Variants in VNN2 observed in about 807,000 individuals in gnomAD.
VNN2 encodes the protein pantetheine hydrolase VNN2.
A neutral mutation model predicts 43.0 loss-of-function variants in VNN2; 43 were observed. That is an observed-to-expected ratio of 1.00 (90% CI 0.78 to 1.29). The LOEUF is 1.29. VNN2 is among the 50% of genes most tolerant of loss of function. The pLI, the probability that VNN2 is intolerant of heterozygous loss-of-function variation, is 0.00. For synonymous variants in VNN2, 230 were observed against 224.3 expected (o/e 1.03, Z -0.23); for missense variants, 652 against 619.7 (o/e 1.05, Z -0.55).
chr6:132,744,456 T>A lies in VNN2; in HGVS notation c.1407A>T (p.Gly469=). The change falls in exon 7 of 7, where the codon GGA becomes GGT. Residue 469 remains glycine (G), a synonymous_variant. Transcript: ENST00000326499. ...ACACTGTTAGTATAGGCCCAGATGA[T>A]CCATTCTTGTTTACCAAACGCCCAT... ...LKDGRLVNKN[G]SSGPILTVSL... is the part of the protein sequence containing the mutation. 6.3e-7 allele frequency: 1 copy of A among 1,595,836 alleles called. No homozygotes were observed. The highest frequency in any genetic ancestry group is 8.5e-7 in the Non-Finnish European group (1 of 1,173,804).
intron 6 of VNN2, among the ~76,000 whole-genome samples, chr6:132,746,217 C>A (rs575101429): frequency 7.9e-5 from 12 of 152,292 alleles, no homozygotes; most frequent in African/African-American, 2.9e-4. Flanking sequence ...AAGATGTTTC[C>A]ACATTTGTGG....
intron 6 of VNN2, among the ~76,000 whole-genome samples, chr6:132,748,169 A>G (rs567728973): frequency 2.7e-4 from 41 of 152,264 alleles, no homozygotes; most frequent in African/African-American, 9.9e-4. Flanking sequence ...TCTCTCTCTC[A>G]CTTCCTTGAA....
upstream of VNN2, among the ~76,000 whole-genome samples, chr6:132,762,544 G>C (rs1253563981): frequency 6.6e-6 from 1 of 152,194 alleles, no homozygotes; most frequent in Non-Finnish European, 1.5e-5. Flanking sequence ...TATGGCTTTA[G>C]TGAGACTGAG....
rs749886046 is a variant in VNN2 at position 132,751,403 on chromosome 6, G to A, written c.942C>T (p.Tyr314=). The A allele has an allele frequency of 7.4e-6, 12 of 1,614,066 alleles. No individual in the cohort carries two copies. The highest frequency in any genetic ancestry group is 1.1e-5 in the South Asian group (1 of 91,094). The change falls in exon 5 of 7, where the codon TAC becomes TAT. Residue 314 remains tyrosine, a synonymous_variant. Coordinates refer to ENST00000326499, the MANE Select transcript of VNN2 (RefSeq NM_004665.6). Reference sequence around the variant, plus strand: ...AGGCATTCCAATTAACAGCTGTTGGGTAGGCAAGCGAGGATAGGGGATGTG... The same window carrying A: ...AGGCATTCCAATTAACAGCTGTTGGATAGGCAAGCGAGGATAGGGGATGTG... ...VDSHPLSSLA[Y]PTAVNWNAYA...
At chr6:132,761,690 A>G (rs1780743253), upstream of VNN2, among the ~76,000 whole-genome samples, 1 of 152,126 alleles carries the variant, frequency 6.6e-6, no homozygotes, top group African/African-American at 2.4e-5. Context: ...TAAACGAAAA[A>G]CAGTAATAGC....
chr6:132,756,115 A>ACCACTTAAGTT, intron 2 of VNN2, 80 bp from the exon 3 acceptor site: 10 of 1,320,138 alleles, frequency 7.6e-6, no homozygotes, highest in Non-Finnish European at 1.0e-5. Flanking sequence ...AGCAACTGTA[A>ACCACTTAAGTT]CCACTTAAGT....
At chr6:132,747,465 A>G (rs1779787480) in intron 6 of VNN2, among the ~76,000 whole-genome samples, 1 of 151,986 alleles carries the variant, frequency 6.6e-6, no homozygotes, top group African/African-American at 2.4e-5. Flanking sequence ...AAAAATACAA[A>G]AAGTAGCTGG....
At chr6:132,751,586 C>A in intron 4 of VNN2, 68 bp from the exon 5 acceptor site, 6 of 1,532,424 alleles carry the variant, frequency 3.9e-6, no homozygotes, top group Non-Finnish European at 5.2e-6. Flanking sequence ...GCCAATTTCC[C>A]CATCAGAATT....
Position 132,744,439 on chromosome 6 carries a change from A to G in VNN2, c.1424T>C (p.Leu475Pro), listed in dbSNP as rs752141384. 1.9e-6 allele frequency: 3 copies of G among 1,612,090 alleles called. No individual in the cohort carries two copies. The highest frequency in any genetic ancestry group is 3.4e-5 in the Admixed American group (2 of 59,522). The change falls in exon 7 of 7, where the codon CTA becomes CCA. Residue 475 changes from leucine to proline, a missense_variant. Leu to Pro is a moderately conservative substitution (Grantham distance 98). Transcript: ENST00000326499. ...CCACCTCCCAAAGAGTGACACTGTT[A>G]GTATAGGCCCAGATGATCCATTCTT... The part of the protein sequence containing the change: ...VNKNGSSGPI[L>P]TVSLFGRWYT...
Position 132,757,545 on chromosome 6 carries a change from C to T in VNN2, c.215G>A (p.Gly72Asp). Residue 72 changes from glycine (G) to aspartate (D), a missense_variant and splice_region_variant, in exon 2 of 7, where the codon GGT (glycine) becomes GAT (aspartate). By Grantham distance (94) the Gly-to-Asp change is moderately conservative. Coordinates refer to ENST00000326499, the MANE Select transcript of VNN2 (RefSeq NM_004665.6). The part of the protein sequence containing the change: ...ETAIKQAAEQ[G>D]ARIIVTPEDA... ...TTCTGGAGTCACAATGATTCGAGCACCCTGTTCAAAACAAGCAAAATAAAA... is the reference window on the plus strand; with the variant it reads ...TTCTGGAGTCACAATGATTCGAGCATCCTGTTCAAAACAAGCAAAATAAAA... 1 of 1,613,094 alleles carries T rather than the reference C, an allele frequency of 6.2e-7. No individual in the cohort carries two copies. Among genetic ancestry groups the T allele is most frequent in the Non-Finnish European group, 8.5e-7 (1 of 1,179,704 alleles).
intron 3 of VNN2, among the ~76,000 whole-genome samples, chr6:132,754,998 AC>A (rs1780366276): frequency 6.6e-6 from 1 of 152,012 alleles, no homozygotes; most frequent in African/African-American, 2.4e-5. Context: ...ATGTAGTGAG[AC>A]TCTGTTTCCA....
chr6:132,751,654 T>C (rs753034861), intron 4 of VNN2, 136 bp from the exon 5 acceptor site: 6 of 991,966 alleles, frequency 6.0e-6, no homozygotes, highest in Non-Finnish European at 8.7e-6. Context: ...TGCTTCTAAT[T>C]GCACTGAACA....
chr6:132,758,224 T>C (rs138193659), upstream of VNN2, among the ~76,000 whole-genome samples: 631 of 152,002 alleles, frequency 4.2e-3, 3 homozygotes, highest in South Asian at 8.9e-3. Flanking sequence ...TTTGTATTTT[T>C]AGTAGAGATG....
upstream of VNN2, among the ~76,000 whole-genome samples, chr6:132,758,206 A>G (rs1489642244): frequency 1.3e-5 from 2 of 151,782 alleles, no homozygotes; most frequent in Non-Finnish European, 2.9e-5. Context: ...CACCACGTCC[A>G]GCTAATTTTT....
In VNN2 at chr6:132,744,357, G is replaced by T. The variant is rs1322482781; in HGVS notation, c.1506C>A (p.Tyr502Ter). ...SCGTSNSAIT[Y>*]LLIFILLMII... ...TCATTAATAATATGAATATTAGCAG[G>T]TAAGTTATTGCTGAATTGCTGGTCC... The change falls in exon 7 of 7, where the codon TAC becomes TAA. Residue 502 changes from tyrosine (Y) to a stop codon, truncating the protein, a stop_gained. Transcript: ENST00000326499. LOFTEE classifies it low-confidence loss of function (END_TRUNC). 3 of 1,612,676 alleles carry T rather than the reference G, an allele frequency of 1.9e-6. No individual in the cohort carries two copies. In the African/African-American group the frequency reaches 4.0e-5, roughly 22 times the overall value.
At position 132,744,113 on chromosome 6, in the gene VNN2, G is replaced by A; in HGVS notation, c.*187C>T. 2.0e-6 allele frequency: 1 copy of A among 489,690 alleles called. No homozygotes were observed. Among genetic ancestry groups the A allele is most frequent in the Non-Finnish European group, 3.4e-6 (1 of 293,278 alleles). 30.3% of individuals were successfully genotyped at this position (489,690 alleles called of 1,614,324 possible). On this transcript the variant is annotated 3_prime_UTR_variant, in exon 7 of 7. Transcript: ENST00000326499. ...CATTGTTCCACACTGCAACATTTCAGAGTAGCCAAAAAAATGGACAACATT... is the reference window on the plus strand; with the variant it reads ...CATTGTTCCACACTGCAACATTTCAAAGTAGCCAAAAAAATGGACAACATT...
chr6:132,753,007 C>G (rs1780224416), intron 3 of VNN2: 5 of 395,260 alleles, frequency 1.3e-5, no homozygotes, highest in Non-Finnish European at 2.3e-5. Flanking sequence ...CCAAATACCC[C>G]CCCATAAACC....
chr6:132,749,652 G>A, intron 6 of VNN2, 43 bp downstream of exon 6: 1 of 1,554,982 alleles, frequency 6.4e-7, no homozygotes, highest in East Asian at 2.3e-5. Context: ...CTTGACTTCA[G>A]AGAACATATA....
At position 132,750,661 on chromosome 6, in the gene VNN2, CA is replaced by C. The variant is rs746788690; in HGVS notation, c.1200+483del. On this transcript the variant is annotated intron_variant, in intron 5 of 6. Transcript: ENST00000326499. ...CCAGGGTGACAGAGTGAAATTGTCT[CA>C]AAAAAAAAAAAAAGAAAAAGAAAAG... is the stretch of plus-strand genomic sequence containing the variant. 8.6e-3 allele frequency among the ~76,000 whole-genome samples: 658 copies of C among 76,416 alleles called. 2 individuals are homozygous for C. Among genetic ancestry groups the C allele is most frequent in the Non-Finnish European group, 0.013 (465 of 36,412 alleles). 50.1% of individuals were successfully genotyped at this position (76,416 alleles called of 152,430 possible).
Sources: gnomAD v4.1 joint callset for allele counts (sites outside exome capture counted in the v4.1 genomes callset) on GRCh38, gnomAD v4.1.1 for gene constraint, MANE v1.5 for transcripts, NCBI Gene and HGNC (gene_info 2026-07-23, HGNC 2026-07-21) for gene names.